Variants in CFAP70 observed in about 807,000 individuals in gnomAD.
CFAP70 encodes cilia and flagella associated protein 70, also known as cilia- and flagella-associated protein 70.
In CFAP70, 81 loss-of-function variants were observed where a neutral mutation model predicts 137.6. The ratio of observed to expected loss-of-function variants is 0.59; its 90% CI spans 0.49 to 0.71. The LOEUF (loss-of-function observed/expected upper bound fraction) is 0.71, where lower values mean the gene tolerates loss of function less well. Ranked by LOEUF, CFAP70 falls within the 30% of genes least tolerant of loss-of-function variation. CFAP70 has a pLI of 0.00. For missense variants in CFAP70, 976 were observed against 1,226.7 expected, an observed-to-expected ratio of 0.80 and a Z score of 3.05; for synonymous variants, 382 against 423.6, an observed-to-expected ratio of 0.90 and a Z score of 1.20.
upstream of CFAP70, among the ~76,000 whole-genome samples, chr10:73,359,504 G>A (rs542848706): frequency 2.0e-5 from 3 of 152,280 alleles, no homozygotes; most frequent in East Asian, 5.8e-4. Flanking sequence ...GACAATTTGA[G>A]CATGAAGTAA....
At chr10:73,348,485 T>C in exon 4 of CFAP70, 1 of 1,524,808 alleles carries the variant, frequency 6.6e-7, no homozygotes, top group Non-Finnish European at 8.8e-7. Context: ...CTCTTCTTTC[T>C]GTTTCTTTTC....
At chr10:73,270,173 A>G (rs937427509) in intron 24 of CFAP70, among the ~76,000 whole-genome samples, 1 of 152,138 alleles carries the variant, frequency 6.6e-6, no homozygotes, top group African/African-American at 2.4e-5. Flanking sequence ...GCCTGTTGAA[A>G]TACTATTGTC....
chr10:73,297,287 A>C, intron 14 of CFAP70, 114 bp from the exon 16 acceptor site: 1 of 1,099,554 alleles, frequency 9.1e-7, no homozygotes, highest in Non-Finnish European at 1.3e-6. Context: ...AAAGCGATTG[A>C]TTTCTCCCTT....
chr10:73,323,352 G>A (rs1428030670), intron 8 of CFAP70, among the ~76,000 whole-genome samples: 1 of 150,010 alleles, frequency 6.7e-6, no homozygotes, highest in Non-Finnish European at 1.5e-5. Context: ...CAGCCAAGAT[G>A]GCCGAATAGG....
intron 1 of CFAP70, among the ~76,000 whole-genome samples, chr10:73,357,384 C>T (rs1388421456): frequency 6.6e-6 from 1 of 152,196 alleles, no homozygotes; most frequent in African/African-American, 2.4e-5. Flanking sequence ...TACGCTGGAA[C>T]TATGTCTTAA....
At chr10:73,291,327 C>T in exon 19 of CFAP70, 3 of 1,614,212 alleles carry the variant, frequency 1.9e-6, no homozygotes, top group Non-Finnish European at 1.7e-6. Context: ...GTCTTCTACA[C>T]CAGTGCTCTT....
rs1293490194 is a variant in CFAP70, at chr10:73,348,244, A to C, written c.349+179T>G. The C allele has an allele frequency of 5.0e-6, 8 of 1,614,146 alleles. No individual in the cohort carries two copies. Among genetic ancestry groups the C allele is most frequent in the Non-Finnish European group, 5.9e-6 (7 of 1,180,010 alleles). Reference sequence around the variant, plus strand: ...TTGAAATGAACTCTGTCCTGCAAAAAGAAGCCCAAGTTGAGCCAAAGAAGA... The same window carrying C: ...TTGAAATGAACTCTGTCCTGCAAAACGAAGCCCAAGTTGAGCCAAAGAAGA... On this transcript the variant is annotated intron_variant, in intron 4 of 26. Transcript: ENST00000310715.
exon 20 of CFAP70, chr10:73,278,292 G>C: frequency 6.2e-7 from 1 of 1,613,962 alleles, no homozygotes; most frequent in Non-Finnish European, 8.5e-7. Context: ...CAGTTTGGAG[G>C]ATTCTTCAAG....
chr10:73,308,814 A>G (rs2049645192), intron 12 of CFAP70, among the ~76,000 whole-genome samples: 1 of 121,808 alleles, frequency 8.2e-6, no homozygotes, highest in African/African-American at 3.4e-5. Context: ...AGAAATGAAA[A>G]AAAAAAAAAA....
chr10:73,357,387 T>A (rs1459334980), intron 1 of CFAP70, among the ~76,000 whole-genome samples: 1 of 152,204 alleles, frequency 6.6e-6, no homozygotes, highest in Non-Finnish European at 1.5e-5. Flanking sequence ...GCTGGAACTA[T>A]GTCTTAATAA....
intron 4 of CFAP70, 21 bp downstream of exon 4, chr10:73,348,402 T>C (rs1169207993): frequency 1.3e-6 from 2 of 1,594,084 alleles, no homozygotes; most frequent in East Asian, 2.2e-5. Flanking sequence ...TTTCTGCTTT[T>C]GGGCAAAGCA....
At chr10:73,352,571 G>A (rs1043639750) in intron 3 of CFAP70, among the ~76,000 whole-genome samples, 1 of 152,064 alleles carries the variant, frequency 6.6e-6, no homozygotes, top group Non-Finnish European at 1.5e-5. Context: ...AAAACCCAAA[G>A]AACTCACCAC....
At chr10:73,344,407 C>T (rs2053536216) in intron 5 of CFAP70, among the ~76,000 whole-genome samples, 1 of 152,236 alleles carries the variant, frequency 6.6e-6, no homozygotes, top group Admixed American at 6.5e-5. Flanking sequence ...ATGCACAGAT[C>T]TGCCTCATAT....
intron 26 of CFAP70, 115 bp from the exon 28 acceptor site, chr10:73,254,170 GA>G: frequency 1.4e-6 from 1 of 733,192 alleles, no homozygotes; most frequent in Non-Finnish European, 2.1e-6. Context: ...CCCTGGGATG[GA>G]ATTGGCTCTT....
At chr10:73,340,690 C>G (rs2053168048) in intron 6 of CFAP70, among the ~76,000 whole-genome samples, 1 of 152,176 alleles carries the variant, frequency 6.6e-6, no homozygotes, top group Non-Finnish European at 1.5e-5. Flanking sequence ...GGAGGGGGAT[C>G]AAGGTGGCAG....
chr10:73,291,637 T>TA lies in CFAP70; in HGVS notation c.2020+2dup, dbSNP rs773094757. On this transcript the variant is annotated splice_region_variant and intron_variant, in intron 18 of 26. Transcript: ENST00000310715. ...CACATTCAGATTACAAGAAAATATCTACCAAGTAAAGTCCAGGCTACAACA... is the reference window on the plus strand; with the variant it reads ...CACATTCAGATTACAAGAAAATATCTAACCAAGTAAAGTCCAGGCTACAACA... 1.1e-5 allele frequency: 17 copies of TA among 1,610,004 alleles called. No individual in the cohort carries two copies. Among genetic ancestry groups the TA allele is most frequent in the Non-Finnish European group, 1.4e-5 (17 of 1,177,634 alleles).
At chr10:73,254,210 G>A (rs1008916963) in intron 26 of CFAP70, 155 bp from the exon 28 acceptor site, 2 of 472,718 alleles carry the variant, frequency 4.2e-6, no homozygotes, top group African/African-American at 1.9e-5. Flanking sequence ...GAAAACTCCA[G>A]TAGAAGACCT....
At chr10:73,347,756 T>C (rs1008788535) in intron 4 of CFAP70, among the ~76,000 whole-genome samples, 2 of 152,186 alleles carry the variant, frequency 1.3e-5, no homozygotes, top group Non-Finnish European at 2.9e-5. Context: ...CTAGAACTGC[T>C]GGATTAGAAA....
chr10:73,333,024 T>C (rs2052283268), intron 7 of CFAP70, among the ~76,000 whole-genome samples: 1 of 152,092 alleles, frequency 6.6e-6, no homozygotes, highest in Non-Finnish European at 1.5e-5. Flanking sequence ...ACAGAAAAAG[T>C]AGGCAACATG....
Sources: gnomAD v4.1 joint callset for allele counts (sites outside exome capture counted in the v4.1 genomes callset) on GRCh38, gnomAD v4.1.1 for gene constraint, MANE v1.5 for transcripts, NCBI Gene and HGNC (gene_info 2026-07-23, HGNC 2026-07-21) for gene names.